The following NSRP1 variants were observed in gnomAD, a reference collection of about 807,000 sequenced individuals.
The protein encoded by NSRP1 is nuclear speckle splicing regulatory protein 1, also known as coiled-coil domain containing 55.
In NSRP1, 24 loss-of-function variants were observed where a neutral mutation model predicts 54.7. That is an observed-to-expected ratio of 0.44 (90% CI 0.32 to 0.62). The LOEUF (loss-of-function observed/expected upper bound fraction) is 0.62. Among genes scored for constraint, NSRP1 ranks in the 20% least tolerant of loss-of-function variants. NSRP1 has a pLI of 0.06. For synonymous variants in NSRP1, 210 were observed against 213.8 expected (o/e 0.98, Z 0.15); for missense variants, 596 against 651.2 (o/e 0.92, Z 0.92).
rs2143011820 is a variant in NSRP1, at chr17:30,186,130, T to A, written c.*456T>A. On this transcript the variant is annotated 3_prime_UTR_variant, in exon 7 of 7. Transcript: ENST00000247026. ...TTAAAAAACAAAAAGCCTAGCATGG[T>A]AGTCCATGCCTGTAGTCCCAGCTGT... The A allele has an allele frequency of 6.6e-6, 1 of 152,530 alleles. No homozygotes were observed. The highest frequency in any genetic ancestry group is 2.1e-4 in the South Asian group (1 of 4,826). The allele number at this position is 152,530 out of a possible 1,614,324, so 9.4% of individuals were successfully genotyped here. A position where few individuals can be genotyped will look rare whatever the true frequency, so the allele number is the denominator to read the frequency against.
At chr17:30,173,922 G>T (rs1905040115) in intron 3 of NSRP1, among the ~76,000 whole-genome samples, 1 of 152,098 alleles carries the variant, frequency 6.6e-6, no homozygotes, top group South Asian at 2.1e-4. Context: ...GTTTCACAGT[G>T]AAATATAATG....
chr17:30,123,794 C>G (rs1440422724), intron 2 of NSRP1, among the ~76,000 whole-genome samples: 17 of 151,788 alleles, frequency 1.1e-4, no homozygotes, highest in Admixed American at 1.1e-3. Context: ...TCCAGTTGTC[C>G]CAGCACCTTT....
intron 2 of NSRP1, among the ~76,000 whole-genome samples, chr17:30,126,791 G>T (rs1242174198): frequency 6.6e-6 from 1 of 152,196 alleles, no homozygotes; most frequent in South Asian, 2.1e-4. Flanking sequence ...GTTTCGCCAT[G>T]TTGCCCAGGC....
At chr17:30,175,549 T>G (rs1905098827) in intron 3 of NSRP1, among the ~76,000 whole-genome samples, 2 of 152,074 alleles carry the variant, frequency 1.3e-5, no homozygotes, top group South Asian at 4.1e-4. Flanking sequence ...TTTTTCTGCC[T>G]TAGCCTCCTG....
intron 2 of NSRP1, among the ~76,000 whole-genome samples, chr17:30,139,227 A>G (rs1420515617): frequency 6.6e-6 from 1 of 151,700 alleles, no homozygotes; most frequent in African/African-American, 2.4e-5. Flanking sequence ...ATCTTTGCCC[A>G]TTTTTTAATC....
At chr17:30,172,477 A>AC (rs1467692240) in intron 2 of NSRP1, 65 bp from the exon 3 acceptor site, 1 of 1,264,606 alleles carries the variant, frequency 7.9e-7, no homozygotes. Flanking sequence ...TAGATAGGGG[A>AC]CGCTCGTACT....
chr17:30,157,718 G>A (rs1904360002), intron 2 of NSRP1, among the ~76,000 whole-genome samples: 1 of 151,982 alleles, frequency 6.6e-6, no homozygotes, highest in Non-Finnish European at 1.5e-5. Flanking sequence ...CTATGTCCAT[G>A]AGATCAAGTT....
intron 2 of NSRP1, among the ~76,000 whole-genome samples, chr17:30,163,987 A>G (rs1056457743): frequency 2.6e-4 from 39 of 151,990 alleles, no homozygotes; most frequent in African/African-American, 8.0e-4. Flanking sequence ...TACCCGGCCA[A>G]TGACCACATT....
At chr17:30,179,734 A>G (rs1905238535) in intron 5 of NSRP1, among the ~76,000 whole-genome samples, 1 of 152,236 alleles carries the variant, frequency 6.6e-6, no homozygotes, top group Admixed American at 6.5e-5. Flanking sequence ...GAATAACATT[A>G]ATTGAAGAAA....
At chr17:30,158,500 C>T (rs1433760254) in intron 2 of NSRP1, among the ~76,000 whole-genome samples, 1 of 151,878 alleles carries the variant, frequency 6.6e-6, no homozygotes, top group African/African-American at 2.4e-5. Flanking sequence ...GTTTTTGTTT[C>T]CTGTGCTTTT....
rs1597606474 is a variant in NSRP1 at position 30,149,293 on chromosome 17, TC to T, written c.115-23247del. 2.0e-5 allele frequency among the ~76,000 whole-genome samples: 3 copies of T among 152,180 alleles called. No homozygotes were observed. The East Asian group carries it at 5.8e-4, about 29-fold the overall frequency. On this transcript the variant is annotated intron_variant, in intron 2 of 6. Transcript: ENST00000247026. ...TTGAACTCTTGGTCTCGAGTGATCCTCCAACCTTGGCCTCCCAGAGTGTTGG... is the reference window on the plus strand; with the variant it reads ...TTGAACTCTTGGTCTCGAGTGATCCTCAACCTTGGCCTCCCAGAGTGTTGG...
intron 2 of NSRP1, among the ~76,000 whole-genome samples, chr17:30,138,949 G>A (rs1380090078): frequency 8.9e-6 from 1 of 112,820 alleles, no homozygotes; most frequent in Non-Finnish European, 1.6e-5. Context: ...ATGGAGTCTC[G>A]CTTTGTCGCC....
intron 2 of NSRP1, among the ~76,000 whole-genome samples, chr17:30,140,488 G>T (rs2071793891): frequency 9.2e-6 from 1 of 108,124 alleles, no homozygotes; most frequent in South Asian, 3.1e-4. Context: ...CACTATTTCA[G>T]TTTCTGATTT....
At chr17:30,178,276 T>G in intron 4 of NSRP1, 77 bp downstream of exon 4, 1 of 1,504,584 alleles carries the variant, frequency 6.6e-7, no homozygotes, top group Non-Finnish European at 8.9e-7. Flanking sequence ...AACATGAGAA[T>G]GATCTGAGAA....
chr17:30,153,554 C>G (rs1185001907), intron 2 of NSRP1, among the ~76,000 whole-genome samples: 1 of 152,136 alleles, frequency 6.6e-6, no homozygotes, highest in African/African-American at 2.4e-5. Context: ...CTTCCACCTG[C>G]TGCTTGCCTT....
chr17:30,142,464 T>TA (rs1271893017), intron 2 of NSRP1, among the ~76,000 whole-genome samples: 2 of 150,224 alleles, frequency 1.3e-5, no homozygotes, highest in Non-Finnish European at 3.0e-5. Flanking sequence ...TAGTTGGGAA[T>TA]ATAGGCATGT....
intron 2 of NSRP1, among the ~76,000 whole-genome samples, chr17:30,170,233 A>G (rs1469467830): frequency 1.3e-5 from 2 of 152,154 alleles, no homozygotes; most frequent in Non-Finnish European, 2.9e-5. Flanking sequence ...TAAGGTATAT[A>G]ACAATTATGG....
chr17:30,135,648 G>A (rs1471051265), intron 2 of NSRP1, among the ~76,000 whole-genome samples: 1 of 150,660 alleles, frequency 6.6e-6, no homozygotes, highest in Non-Finnish European at 1.5e-5. Flanking sequence ...TAATTTTTTT[G>A]TATTTTTAGT....
At chr17:30,148,005 GT>G (rs2071873509) in intron 2 of NSRP1, among the ~76,000 whole-genome samples, 1 of 151,324 alleles carries the variant, frequency 6.6e-6, no homozygotes, top group Non-Finnish European at 1.5e-5. Flanking sequence ...TAGAGTTGGG[GT>G]TTCCCCATGT....
Sources: allele counts gnomAD v4.1 joint callset (sites outside exome capture counted in the v4.1 genomes callset), GRCh38; gene constraint gnomAD v4.1.1; transcripts MANE v1.5; gene names NCBI Gene and HGNC (gene_info 2026-07-23, HGNC 2026-07-21).